Variants in GABBR2 observed in about 807,000 individuals in gnomAD.
GABBR2 encodes G-protein coupled receptor 51.
Under a neutral mutation model 105.6 loss-of-function variants are expected in GABBR2, and 23 were observed. The ratio of observed to expected loss-of-function variants is 0.22; its 90% CI spans 0.16 to 0.31. GABBR2 has a LOEUF of 0.31. GABBR2 is among the 10% of genes least tolerant of loss of function. GABBR2 has a pLI of 1.00. For synonymous variants in GABBR2, 478 were observed against 499.7 expected, an observed-to-expected ratio of 0.96 and a Z score of 0.58; for missense variants, 734 against 1,245.5, an observed-to-expected ratio of 0.59 and a Z score of 6.18.
chr9:98,564,915 T>C (rs906712579), intron 2 of GABBR2, among the ~76,000 whole-genome samples: 8 of 152,122 alleles, frequency 5.3e-5, no homozygotes, highest in Non-Finnish European at 1.5e-5. Flanking sequence ...GAAGCCTTCC[T>C]GGAGGAGGAG....
intron 1 of GABBR2, among the ~76,000 whole-genome samples, chr9:98,648,132 G>GTGTGTGTGT (rs1564140835): frequency 2.8e-4 from 26 of 93,952 alleles, no homozygotes; most frequent in African/African-American, 9.8e-4. Flanking sequence ...TAGATAGATA[G>GTGTGTGTGT]ATAGATAGAT....
At chr9:98,508,927 C>T (rs1348742855) in intron 3 of GABBR2, among the ~76,000 whole-genome samples, 1 of 152,182 alleles carries the variant, frequency 6.6e-6, no homozygotes, top group East Asian at 1.9e-4. Flanking sequence ...AGTAGTGGTT[C>T]TCCCAGCATG....
At position 98,610,236 on chromosome 9, in the gene GABBR2, C is replaced by T. The variant is rs148512492; in HGVS notation, c.322-32164G>A. Among the ~76,000 whole-genome samples the T allele has an allele frequency of 4.4e-3, 665 of 152,332 alleles. 2 individuals are homozygous for T. Among genetic ancestry groups the T allele is most frequent in the Non-Finnish European group, 6.6e-3 (451 of 68,034 alleles). Reference sequence around the variant, plus strand: ...AGTGGGCCCATTTAACCTCTCTGAGCCTCAGTTTCCTGCCTATAAAGAGAG... The same window carrying T: ...AGTGGGCCCATTTAACCTCTCTGAGTCTCAGTTTCCTGCCTATAAAGAGAG... On this transcript the variant is annotated intron_variant, in intron 1 of 18. Coordinates refer to ENST00000259455, the MANE Select transcript of GABBR2 (RefSeq NM_005458.8).
At chr9:98,617,048 C>T (rs561002468) in intron 1 of GABBR2, among the ~76,000 whole-genome samples, 16 of 152,348 alleles carry the variant, frequency 1.1e-4, no homozygotes, top group African/African-American at 3.4e-4. Flanking sequence ...CCACTCTCCT[C>T]CATTCACATT....
chr9:98,452,850 C>G (rs1313662697), intron 7 of GABBR2, among the ~76,000 whole-genome samples: 4 of 152,152 alleles, frequency 2.6e-5, no homozygotes, highest in Non-Finnish European at 5.9e-5. Context: ...TTAAAACTAG[C>G]TTACAAGGTA....
At chr9:98,522,403 C>A (rs1827885539) in intron 3 of GABBR2, among the ~76,000 whole-genome samples, 1 of 151,862 alleles carries the variant, frequency 6.6e-6, no homozygotes, top group African/African-American at 2.4e-5. Flanking sequence ...ATATTTTAGA[C>A]AAAACAAAAA....
At chr9:98,682,256 C>A (rs1406775362) in intron 1 of GABBR2, among the ~76,000 whole-genome samples, 2 of 148,080 alleles carry the variant, frequency 1.4e-5, no homozygotes, top group African/African-American at 5.0e-5. Flanking sequence ...CAAAAAAAAA[C>A]CCAAAACAAA....
intron 1 of GABBR2, among the ~76,000 whole-genome samples, chr9:98,595,942 C>T (rs1279060078): frequency 6.6e-6 from 1 of 152,204 alleles, no homozygotes. Flanking sequence ...GCCATGACAC[C>T]TGTGTCCCAT....
At chr9:98,606,094 A>G (rs1588248844) in intron 1 of GABBR2, among the ~76,000 whole-genome samples, 1 of 152,296 alleles carries the variant, frequency 6.6e-6, no homozygotes, top group South Asian at 2.1e-4. Flanking sequence ...TCCCTACCAA[A>G]GACATGAATT....
chr9:98,594,393 G>T (rs566820647), intron 1 of GABBR2, among the ~76,000 whole-genome samples: 4 of 152,202 alleles, frequency 2.6e-5, no homozygotes, highest in Non-Finnish European at 2.9e-5. Flanking sequence ...AGAATGTGAG[G>T]CCTCTCCCTG....
At chr9:98,477,958 C>A (rs1486074839) in intron 5 of GABBR2, among the ~76,000 whole-genome samples, 1 of 152,088 alleles carries the variant, frequency 6.6e-6, no homozygotes, top group Non-Finnish European at 1.5e-5. Flanking sequence ...GTAAAGCGAC[C>A]TGATTGAGGT....
chr9:98,354,817 T>C (rs1391253022), intron 13 of GABBR2, among the ~76,000 whole-genome samples: 1 of 152,208 alleles, frequency 6.6e-6, no homozygotes. Flanking sequence ...CATTCATGTG[T>C]TCACTGAAAC....
intron 13 of GABBR2, among the ~76,000 whole-genome samples, chr9:98,327,197 G>C (rs561495350): frequency 6.6e-6 from 1 of 152,280 alleles, no homozygotes; most frequent in African/African-American, 2.4e-5. Context: ...GAAGTAAAAT[G>C]GAAAGAAAAC....
At position 98,694,694 on chromosome 9, in the gene GABBR2, C is replaced by A. The variant is rs1830726357; in HGVS notation, c.321+13723G>T. ...TCGGGCGTATTTTATATCTGCACCACTTTACAGCTTCTTAAAGCCCTTTCA... is the reference window on the plus strand; with the variant it reads ...TCGGGCGTATTTTATATCTGCACCAATTTACAGCTTCTTAAAGCCCTTTCA... On this transcript the variant is annotated intron_variant, in intron 1 of 18. Transcript: ENST00000259455. 2.0e-5 allele frequency among the ~76,000 whole-genome samples: 3 copies of A among 152,216 alleles called. No individual in the cohort carries two copies. In the South Asian group the frequency reaches 6.2e-4, roughly 32 times the overall value.
At chr9:98,461,779 GCTTC>G (rs1463129157) in intron 6 of GABBR2, among the ~76,000 whole-genome samples, 1 of 152,212 alleles carries the variant, frequency 6.6e-6, no homozygotes, top group Non-Finnish European at 1.5e-5. Flanking sequence ...GCTGGCATCT[GCTTC>G]TGGTAAGGGC....
intron 1 of GABBR2, among the ~76,000 whole-genome samples, chr9:98,599,453 C>T (rs932620247): frequency 1.3e-5 from 2 of 152,230 alleles, no homozygotes; most frequent in African/African-American, 4.8e-5. Flanking sequence ...CATACCAGGC[C>T]TGTTTAGCAA....
intron 8 of GABBR2, among the ~76,000 whole-genome samples, chr9:98,398,177 G>A (rs1000575127): frequency 2.6e-5 from 4 of 152,232 alleles, no homozygotes; most frequent in South Asian, 2.1e-4. Flanking sequence ...GCTCCAAATT[G>A]GGGGAGCCAG....
chr9:98,503,398 C>T (rs1227658759), intron 3 of GABBR2, among the ~76,000 whole-genome samples: 1 of 152,030 alleles, frequency 6.6e-6, no homozygotes, highest in Non-Finnish European at 1.5e-5. Flanking sequence ...CAGTGGTAAC[C>T]CATGATGAAG....
At chr9:98,469,766 T>C (rs868691729) in intron 6 of GABBR2, among the ~76,000 whole-genome samples, 26 of 152,338 alleles carry the variant, frequency 1.7e-4, no homozygotes, top group African/African-American at 6.0e-4. Context: ...CCTTCCCCTC[T>C]CTGGCTCTTA....
Sources: gnomAD v4.1 joint callset for allele counts (sites outside exome capture counted in the v4.1 genomes callset) on GRCh38, gnomAD v4.1.1 for gene constraint, MANE v1.5 for transcripts, NCBI Gene and HGNC (gene_info 2026-07-23, HGNC 2026-07-21) for gene names.